Variants in MED13L observed in about 807,000 individuals in gnomAD.
The protein encoded by MED13L is mediator complex subunit 13L, also known as mediator of RNA polymerase II transcription subunit 13-like.
MED13L carries 7 observed loss-of-function variants against 220.9 expected under a neutral mutation model. That is an observed-to-expected ratio of 0.03 (90% CI 0.02 to 0.06). The LOEUF is 0.06. Among genes scored for constraint, MED13L ranks in the 10% least tolerant of loss-of-function variants. MED13L has a pLI of 1.00. For missense variants in MED13L, 1,965 were observed against 2,760.5 expected, an observed-to-expected ratio of 0.71 and a Z score of 6.46; for synonymous variants, 1,011 against 1,015.2, an observed-to-expected ratio of 1.00 and a Z score of 0.08.
intron 3 of MED13L, among the ~76,000 whole-genome samples, chr12:116,108,402 C>CGGGGGGGGGGGGGGGGGG (rs1873786189): frequency 6.3e-5 from 1 of 15,862 alleles, no homozygotes; most frequent in African/African-American, 3.0e-4. Flanking sequence ...GGGGGGGGGG[C>CGGGGGGGGGGGGGGGGGG]GCGTGGGGGG....
At chr12:116,098,016 G>A (rs979560984) in intron 3 of MED13L, among the ~76,000 whole-genome samples, 9 of 152,130 alleles carry the variant, frequency 5.9e-5, no homozygotes, top group Admixed American at 2.0e-4. Context: ...AAGCCGAGGC[G>A]GGCAGATCAC....
intron 4 of MED13L, among the ~76,000 whole-genome samples, chr12:116,091,517 C>T (rs1872210942): frequency 6.6e-6 from 1 of 152,146 alleles, no homozygotes; most frequent in African/African-American, 2.4e-5. Context: ...ACGAAAGATA[C>T]TTTTTAAAAT....
chr12:116,017,527 TTC>T (rs1400672285), intron 7 of MED13L, among the ~76,000 whole-genome samples: 1 of 152,232 alleles, frequency 6.6e-6, no homozygotes, highest in Non-Finnish European at 1.5e-5. Flanking sequence ...ACTATGAAAG[TTC>T]TTTTTTAGTT....
chr12:116,248,760 T>C lies in MED13L; in HGVS notation c.73-11055A>G, dbSNP rs143891176. ...GAGCCTGAAACAATTACTCTGGTTC[T>C]ATAAGAAAAAGTCTGCTGATACCTG... On this transcript the variant is annotated intron_variant, in intron 1 of 30. Coordinates refer to ENST00000281928, the MANE Select transcript of MED13L (RefSeq NM_015335.5). Among the ~76,000 whole-genome samples the C allele has an allele frequency of 3.3e-3, 504 of 152,378 alleles. 3 individuals carry two copies. The highest frequency in any genetic ancestry group is 3.0e-3 in the Non-Finnish European group (204 of 68,032).
rs763391016 is a variant in MED13L at position 116,237,661 on chromosome 12, C to G, written c.117G>C (p.Gly39=). ...GIKWRRYNFG[G]HGDCGPIISA... ...AAATTATGGGTCCACAGTCCCCATG[C>G]CCTCCAAAATTGTACCTACGCCATT... Residue 39 remains glycine, a synonymous_variant, in exon 2 of 31, where the codon GGG becomes GGC. Transcript: ENST00000281928. 1.9e-6 allele frequency: 3 copies of G among 1,614,056 alleles called. No individual in the cohort carries two copies. Among genetic ancestry groups the G allele is most frequent in the Non-Finnish European group, 2.5e-6 (3 of 1,180,024 alleles).
At chr12:115,981,341 C>T (rs1232278324) in intron 22 of MED13L, among the ~76,000 whole-genome samples, 3 of 152,114 alleles carry the variant, frequency 2.0e-5, no homozygotes, top group Admixed American at 6.5e-5. Flanking sequence ...AGGATACAGA[C>T]TTCAAAACAA....
chr12:116,175,068 A>C (rs1308365068), intron 2 of MED13L, among the ~76,000 whole-genome samples: 5 of 152,210 alleles, frequency 3.3e-5, no homozygotes, highest in African/African-American at 1.2e-4. Context: ...TCTCCAAAAA[A>C]AGAAAAGAAA....
At chr12:116,051,252 G>A (rs183838176) in intron 4 of MED13L, among the ~76,000 whole-genome samples, 7 of 150,556 alleles carry the variant, frequency 4.6e-5, no homozygotes, top group South Asian at 2.1e-4. Flanking sequence ...GGCTCACACC[G>A]AGATCCCACC....
chr12:116,195,880 T>C (rs189056520), intron 2 of MED13L, among the ~76,000 whole-genome samples: 1 of 152,292 alleles, frequency 6.6e-6, no homozygotes, highest in Admixed American at 6.5e-5. Flanking sequence ...AAGTAAGTTT[T>C]AAATAATTTT....
At chr12:116,246,802 G>A (rs549701585) in intron 1 of MED13L, among the ~76,000 whole-genome samples, 1 of 85,756 alleles carries the variant, frequency 1.2e-5, no homozygotes, top group Admixed American at 1.2e-4. Context: ...GGGAGGGGAG[G>A]GAGGTGGGGA....
intron 1 of MED13L, among the ~76,000 whole-genome samples, chr12:116,274,971 T>C (rs746639895): frequency 2.0e-5 from 3 of 151,062 alleles, no homozygotes; most frequent in Non-Finnish European, 4.4e-5. Flanking sequence ...TCTGTAACGT[T>C]ATCATCCTTA....
At chr12:116,043,913 G>T (rs1312011621) in intron 4 of MED13L, among the ~76,000 whole-genome samples, 1 of 152,208 alleles carries the variant, frequency 6.6e-6, no homozygotes, top group Non-Finnish European at 1.5e-5. Context: ...CAACTCAGAA[G>T]CCTAATTAAT....
At chr12:116,086,472 G>A (rs527477849) in intron 4 of MED13L, among the ~76,000 whole-genome samples, 1 of 151,970 alleles carries the variant, frequency 6.6e-6, no homozygotes, top group Non-Finnish European at 1.5e-5. Context: ...AGTAGAGACG[G>A]AGTTTCTCCA....
chr12:116,036,308 A>G (rs910378408), intron 4 of MED13L, among the ~76,000 whole-genome samples: 5 of 152,230 alleles, frequency 3.3e-5, no homozygotes, highest in Non-Finnish European at 5.9e-5. Context: ...ATATGTGTCT[A>G]GCTATTTAAA....
chr12:116,259,113 T>A (rs947458526), intron 1 of MED13L, among the ~76,000 whole-genome samples: 1 of 152,180 alleles, frequency 6.6e-6, no homozygotes, highest in African/African-American at 2.4e-5. Flanking sequence ...AATCTTAACG[T>A]TTCTCATAGT....
intron 2 of MED13L, among the ~76,000 whole-genome samples, chr12:116,225,930 CAT>C (rs1868938371): frequency 6.6e-6 from 1 of 152,066 alleles, no homozygotes. Context: ...AAATATTTTG[CAT>C]ATGACATTAT....
At chr12:116,272,916 C>G (rs1383776653) in intron 1 of MED13L, among the ~76,000 whole-genome samples, 1 of 152,176 alleles carries the variant, frequency 6.6e-6, no homozygotes, top group Non-Finnish European at 1.5e-5. Flanking sequence ...GCAATTATTG[C>G]TATTAAAAAT....
intron 2 of MED13L, among the ~76,000 whole-genome samples, chr12:116,192,907 C>T (rs1438341470): frequency 1.3e-5 from 2 of 152,062 alleles, no homozygotes; most frequent in South Asian, 2.1e-4. Flanking sequence ...CTGAGGCGGG[C>T]AGATCACCAG....
At chr12:116,265,302 A>T (rs907449777) in intron 1 of MED13L, among the ~76,000 whole-genome samples, 3 of 152,228 alleles carry the variant, frequency 2.0e-5, no homozygotes, top group Admixed American at 6.5e-5. Context: ...TAGGCTTCAT[A>T]AGAAGTAATC....
Sources: allele counts gnomAD v4.1 joint callset (sites outside exome capture counted in the v4.1 genomes callset), GRCh38; gene constraint gnomAD v4.1.1; transcripts MANE v1.5; gene names NCBI Gene and HGNC (gene_info 2026-07-23, HGNC 2026-07-21).